SYTL5: variants seen among roughly 807,000 people sequenced by gnomAD.
SYTL5 encodes synaptotagmin-like protein 5.
A neutral mutation model predicts 55.9 loss-of-function variants in SYTL5; 34 were observed. The ratio of observed to expected loss-of-function variants is 0.61; its 90% CI spans 0.46 to 0.81. The LOEUF (loss-of-function observed/expected upper bound fraction) is 0.81. SYTL5 is among the 30% of genes least tolerant of loss of function. The probability of loss-of-function intolerance (pLI) is 0.00; values close to 1 mark genes in which losing one functional copy is unlikely to be tolerated. For missense variants in SYTL5, 637 were observed against 546.7 expected (o/e 1.17, Z -1.65); for synonymous variants, 221 against 188.7 (o/e 1.17, Z -1.40).
the SYTL5 span, among the ~76,000 whole-genome samples, chrX:37,980,163 G>A: frequency 2.7e-5 from 3 of 111,760 alleles, no homozygotes; most frequent in Non-Finnish European, 5.6e-5. Context: ...CTTTCAACTT[G>A]ACTTAATTTG....
intron 1 of SYTL5, among the ~76,000 whole-genome samples, chrX:38,007,094 T>C (rs776606102): frequency 8.9e-6 from 1 of 111,750 alleles, no homozygotes; most frequent in East Asian, 2.8e-4. Context: ...ATAACATAGA[T>C]TGTCCTTTTG....
At chrX:37,974,188 G>A in the SYTL5 span, among the ~76,000 whole-genome samples, 1 of 111,628 alleles carries the variant, frequency 9.0e-6, no homozygotes, top group Non-Finnish European at 1.9e-5. Flanking sequence ...CTAAATAAAT[G>A]TCTATCAGCT....
the SYTL5 span, among the ~76,000 whole-genome samples, chrX:37,905,600 G>T: frequency 9.0e-6 from 1 of 111,698 alleles, no homozygotes; most frequent in African/African-American, 3.3e-5. Flanking sequence ...GATGGCGGGG[G>T]TGGGGTCTTT....
chrX:38,014,171 A>G (rs1934276545), intron 1 of SYTL5, among the ~76,000 whole-genome samples: 1 of 112,816 alleles, frequency 8.9e-6, no homozygotes, highest in Admixed American at 9.3e-5. Context: ...TTTGACCAAT[A>G]CAAAATTAAA....
At chrX:38,080,415 C>T (rs1936501618) in intron 6 of SYTL5, among the ~76,000 whole-genome samples, 1 of 111,345 alleles carries the variant, frequency 9.0e-6, no homozygotes, top group Admixed American at 9.5e-5. Context: ...AGGTTCTCAT[C>T]TTTCTGCCCT....
chrX:38,033,305 G>T (rs1366727245), intron 1 of SYTL5, among the ~76,000 whole-genome samples: 1 of 111,643 alleles, frequency 9.0e-6, no homozygotes, highest in African/African-American at 3.3e-5. Context: ...AATTATAATG[G>T]AGAAAACTGA....
chrX:37,996,194 G>A, the SYTL5 span, among the ~76,000 whole-genome samples: 1 of 111,776 alleles, frequency 8.9e-6, no homozygotes, highest in African/African-American at 3.3e-5. Flanking sequence ...TGTGCTCGTG[G>A]GTTTCAGAGG....
At chrX:38,102,467 C>A (rs1457911950) in intron 10 of SYTL5, 33 bp downstream of exon 10, 2 of 989,163 alleles carry the variant, frequency 2.0e-6, no homozygotes, top group South Asian at 2.0e-5. Context: ...TGGAAAGTTT[C>A]TTTTCCCTCT....
the SYTL5 span, among the ~76,000 whole-genome samples, chrX:37,909,025 G>T: frequency 9.0e-6 from 1 of 110,913 alleles, no homozygotes; most frequent in African/African-American, 3.3e-5. Flanking sequence ...AACCTAGGGA[G>T]AGGTAGTGGC....
chrX:37,997,928 C>T, the SYTL5 span, among the ~76,000 whole-genome samples: 1 of 112,355 alleles, frequency 8.9e-6, no homozygotes, highest in African/African-American at 3.2e-5. Flanking sequence ...TCAGCCAGAG[C>T]TGAACAAATG....
chrX:37,943,181 G>C, the SYTL5 span, among the ~76,000 whole-genome samples: 1 of 112,145 alleles, frequency 8.9e-6, no homozygotes, highest in African/African-American at 3.2e-5. Context: ...ATTTGTTAAA[G>C]GGAAGACAAT....
chrX:38,097,305 A>C (rs1936959911), intron 9 of SYTL5, among the ~76,000 whole-genome samples: 1 of 110,568 alleles, frequency 9.0e-6, no homozygotes, highest in African/African-American at 3.3e-5. Context: ...TGTATGTAGA[A>C]GATACTAAAG....
the SYTL5 span, among the ~76,000 whole-genome samples, chrX:37,892,889 C>T: frequency 5.7e-5 from 4 of 70,583 alleles, no homozygotes; most frequent in Non-Finnish European, 1.0e-4. Context: ...TATAACATAC[C>T]ACACTCTATA....
the SYTL5 span, among the ~76,000 whole-genome samples, chrX:37,897,519 T>A: frequency 9.2e-6 from 1 of 109,199 alleles, no homozygotes; most frequent in Non-Finnish European, 1.9e-5. Flanking sequence ...GGCAGAGAGT[T>A]AACAAGGGGC....
rs149772305 is a variant in SYTL5 at position 38,121,443 on chromosome X, A to G, written c.1706-637A>G. On this transcript the variant is annotated intron_variant, in intron 14 of 16. Transcript: ENST00000297875. ...CCTGACCTCAATTTCCTCACTTCAA[A>G]GGGCTGTTGTGAAGAATAAACAGGT... is the stretch of plus-strand genomic sequence containing the variant. Among the ~76,000 whole-genome samples, 975 of 112,219 alleles carry G rather than the reference A, an allele frequency of 8.7e-3. 5 individuals carry two copies. Among genetic ancestry groups the G allele is most frequent in the Middle Eastern group, 0.041 (9 of 217 alleles).
At chrX:38,069,799 A>G (rs985585393) in intron 3 of SYTL5, among the ~76,000 whole-genome samples, 4 of 112,051 alleles carry the variant, frequency 3.6e-5, no homozygotes, top group African/African-American at 1.3e-4. Flanking sequence ...AAGAAACAGG[A>G]GACATCTTTC....
chrX:38,079,655 G>A (rs1041533302), intron 6 of SYTL5, among the ~76,000 whole-genome samples: 2 of 112,149 alleles, frequency 1.8e-5, no homozygotes, highest in African/African-American at 6.5e-5. Context: ...TTAATCAAGT[G>A]ATTCCAAGAG....
At chrX:37,920,383 G>T in the SYTL5 span, among the ~76,000 whole-genome samples, 29 of 110,299 alleles carry the variant, frequency 2.6e-4, no homozygotes, top group Admixed American at 2.1e-3. Flanking sequence ...ATCTGTGGAG[G>T]TAGCTTTTCC....
intron 2 of SYTL5, among the ~76,000 whole-genome samples, chrX:38,036,376 C>T (rs1264320662): frequency 9.0e-6 from 1 of 110,699 alleles, no homozygotes; most frequent in African/African-American, 3.3e-5. Flanking sequence ...TTTTTCTTCC[C>T]TAGTCTTCTT....
Sources: gnomAD v4.1 joint callset for allele counts (sites outside exome capture counted in the v4.1 genomes callset) on GRCh38, gnomAD v4.1.1 for gene constraint, MANE v1.5 for transcripts, NCBI Gene and HGNC (gene_info 2026-07-23, HGNC 2026-07-21) for gene names.